ATG5: variants seen among roughly 807,000 people sequenced by gnomAD.
ATG5 encodes autophagy related 5, also known as autophagy protein 5.
A neutral mutation model predicts 36.5 loss-of-function variants in ATG5; 14 were observed. The ratio of observed to expected loss-of-function variants is 0.38; its 90% confidence interval spans 0.25 to 0.60. The LOEUF is 0.60. Among genes scored for constraint, ATG5 ranks in the 20% least tolerant of loss-of-function variants. ATG5 has a pLI of 0.60. For missense variants in ATG5, 195 were observed against 326.7 expected, an observed-to-expected ratio of 0.60 and a Z score of 3.11; for synonymous variants, 95 against 101.5, an observed-to-expected ratio of 0.94 and a Z score of 0.38.
intron 3 of ATG5, among the ~76,000 whole-genome samples, chr6:106,293,705 A>G (rs1046934563): frequency 7.9e-5 from 12 of 152,352 alleles, no homozygotes; most frequent in African/African-American, 2.9e-4. Flanking sequence ...TTCTTCTGAA[A>G]CCTAATTCTA....
At chr6:106,248,364 T>C (rs1778433020) in intron 5 of ATG5, 120 bp from the exon 6 acceptor site, 1 of 585,764 alleles carries the variant, frequency 1.7e-6, no homozygotes, top group Middle Eastern at 4.8e-4. Flanking sequence ...ATCACATATA[T>C]TTTCTTATTT....
rs1771263525 is a variant in ATG5 at position 106,325,630 on chromosome 6, T to C, written c.-163A>G. 1 of 152,792 alleles carries C rather than the reference T, an allele frequency of 6.5e-6. No homozygotes were observed. The highest frequency in any genetic ancestry group is 2.1e-4 in the South Asian group (1 of 4,832). The allele number at this position is 152,792 out of a possible 1,614,324, so 9.5% of individuals were successfully genotyped here. On this transcript the variant is annotated 5_prime_UTR_variant, in exon 1 of 8. Transcript: ENST00000369076. ...GGGGCAAGCTGCCCGCCTGACACAC[T>C]GTCCTGCGGGGACGCGGTAGCAGGA...
intron 5 of ATG5, among the ~76,000 whole-genome samples, chr6:106,262,159 G>A (rs1201132428): frequency 1.3e-5 from 2 of 152,166 alleles, no homozygotes; most frequent in Non-Finnish European, 2.9e-5. Flanking sequence ...TTCAACCTCC[G>A]CCTCCCAGGT....
chr6:106,220,192 A>C (rs776656759), intron 6 of ATG5, among the ~76,000 whole-genome samples: 23 of 152,182 alleles, frequency 1.5e-4, no homozygotes, highest in Non-Finnish European at 1.5e-4. Flanking sequence ...TCTGCAAAAG[A>C]AGCAACTTGC....
intron 6 of ATG5, among the ~76,000 whole-genome samples, chr6:106,235,015 T>C (rs556451361): frequency 6.6e-6 from 1 of 152,240 alleles, no homozygotes; most frequent in East Asian, 1.9e-4. Flanking sequence ...ATGTTGTTAT[T>C]ATGTTAATCA....
chr6:106,312,949 G>A (rs565125746), intron 2 of ATG5, among the ~76,000 whole-genome samples: 121 of 152,324 alleles, frequency 7.9e-4, no homozygotes, highest in African/African-American at 2.8e-3. Flanking sequence ...TAGCCATGGA[G>A]GAAAAGCCAA....
chr6:106,219,706 T>C (rs1777168741), intron 6 of ATG5, among the ~76,000 whole-genome samples: 1 of 152,144 alleles, frequency 6.6e-6, no homozygotes, highest in East Asian at 1.9e-4. Context: ...CACCCAGAGG[T>C]ATCGACAGAT....
At chr6:106,269,640 T>C (rs1424166915) in intron 5 of ATG5, among the ~76,000 whole-genome samples, 1 of 152,214 alleles carries the variant, frequency 6.6e-6, no homozygotes, top group Non-Finnish European at 1.5e-5. Context: ...CCGCAGCCGC[T>C]GGCCCGGGTG....
intron 7 of ATG5, among the ~76,000 whole-genome samples, chr6:106,199,248 C>T (rs1714618177): frequency 6.6e-6 from 1 of 152,182 alleles, no homozygotes; most frequent in African/African-American, 2.4e-5. Context: ...AAACAAATGT[C>T]CACAGAAAGA....
intron 6 of ATG5, among the ~76,000 whole-genome samples, chr6:106,239,392 G>C (rs1390059024): frequency 6.6e-6 from 1 of 152,068 alleles, no homozygotes; most frequent in Non-Finnish European, 1.5e-5. Context: ...AATATCATAA[G>C]AAAGTGAATT....
chr6:106,285,425 T>C (rs1780039650), intron 4 of ATG5, among the ~76,000 whole-genome samples: 1 of 152,192 alleles, frequency 6.6e-6, no homozygotes, highest in Admixed American at 6.6e-5. Flanking sequence ...GTTGATTGTA[T>C]GGTGGACACT....
intron 6 of ATG5, among the ~76,000 whole-genome samples, chr6:106,212,596 C>T (rs1193230399): frequency 6.6e-6 from 1 of 152,254 alleles, no homozygotes; most frequent in East Asian, 1.9e-4. Context: ...CTGACACCGT[C>T]CCACTGCACT....
At chr6:106,207,963 G>A (rs1052057528) in intron 6 of ATG5, among the ~76,000 whole-genome samples, 5 of 152,056 alleles carry the variant, frequency 3.3e-5, no homozygotes, top group Non-Finnish European at 7.4e-5. Flanking sequence ...ATGGTGGCAC[G>A]TGCCTGTAAT....
intron 4 of ATG5, among the ~76,000 whole-genome samples, chr6:106,288,324 A>G (rs558455834): frequency 1.3e-5 from 2 of 152,284 alleles, no homozygotes; most frequent in East Asian, 3.9e-4. Context: ...AACTGGGGAC[A>G]CAGAAATGAG....
chr6:106,293,181 C>T, intron 3 of ATG5, 75 bp from the exon 4 acceptor site: 1 of 1,249,802 alleles, frequency 8.0e-7, no homozygotes, highest in South Asian at 1.3e-5. Context: ...AAATTTCCAA[C>T]ACATATTTTA....
At chr6:106,249,922 A>G (rs904980560) in intron 5 of ATG5, among the ~76,000 whole-genome samples, 1 of 152,238 alleles carries the variant, frequency 6.6e-6, no homozygotes, top group African/African-American at 2.4e-5. Context: ...TGCCTATCAA[A>G]TCACTTTCCC....
chr6:106,291,483 G>A (rs1175637854), intron 4 of ATG5, among the ~76,000 whole-genome samples: 1 of 152,194 alleles, frequency 6.6e-6, no homozygotes, highest in Non-Finnish European at 1.5e-5. Context: ...CATGGAAACA[G>A]ATTTGACCTG....
intron 6 of ATG5, among the ~76,000 whole-genome samples, chr6:106,203,520 T>C (rs990837105): frequency 1.3e-5 from 2 of 152,222 alleles, no homozygotes; most frequent in African/African-American, 4.8e-5. Context: ...AACGGTTATT[T>C]CACTTTAAGA....
chr6:106,321,294 T>C (rs1033070059), intron 1 of ATG5, among the ~76,000 whole-genome samples: 10 of 152,144 alleles, frequency 6.6e-5, no homozygotes, highest in African/African-American at 2.2e-4. Flanking sequence ...CATATTTCCA[T>C]GGCCCCTCTG....
Sources: gnomAD v4.1 joint callset for allele counts (sites outside exome capture counted in the v4.1 genomes callset) on GRCh38, gnomAD v4.1.1 for gene constraint, MANE v1.5 for transcripts, NCBI Gene and HGNC (gene_info 2026-07-23, HGNC 2026-07-21) for gene names.